Variants in SOX5 observed in about 807,000 individuals in gnomAD.
The protein encoded by SOX5 is transcription factor SOX-5.
Under a neutral mutation model 92.0 loss-of-function variants are expected in SOX5, and 9 were observed. That is an observed-to-expected ratio of 0.10 (90% CI 0.06 to 0.17). The LOEUF (loss-of-function observed/expected upper bound fraction) is 0.17, where lower values mean the gene tolerates loss of function less well. SOX5 is among the 10% of genes least tolerant of loss of function. The probability of loss-of-function intolerance (pLI) is 1.00; values close to 1 mark genes in which losing one functional copy is unlikely to be tolerated. For synonymous variants in SOX5, 344 were observed against 336.3 expected (o/e 1.02, Z -0.25); for missense variants, 642 against 944.5 (o/e 0.68, Z 4.20).
At chr12:24,138,602 A>T (rs12817898) in intron 4 of SOX5, among the ~76,000 whole-genome samples, 210 of 151,396 alleles carry the variant, frequency 1.4e-3, no homozygotes, top group Admixed American at 2.4e-3. Flanking sequence ...TTGGTGGGGG[A>T]TGGGTATGGG....
intron 7 of SOX5, among the ~76,000 whole-genome samples, chr12:23,664,434 A>C (rs1296409185): frequency 6.6e-6 from 1 of 152,102 alleles, no homozygotes; most frequent in Non-Finnish European, 1.5e-5. Flanking sequence ...TTTATCAATG[A>C]AAATATTTCA....
chr12:24,532,165 G>A (rs898062616), intron 1 of SOX5, among the ~76,000 whole-genome samples: 1 of 152,076 alleles, frequency 6.6e-6, no homozygotes, highest in South Asian at 2.1e-4. Flanking sequence ...TTCTATCTAT[G>A]TAATACTCAA....
intron 1 of SOX5, among the ~76,000 whole-genome samples, chr12:24,540,551 T>C (rs1294280654): frequency 6.6e-6 from 1 of 152,164 alleles, no homozygotes; most frequent in Non-Finnish European, 1.5e-5. Context: ...ATTTTCATCA[T>C]TTCAGAGAGA....
At chr12:23,824,866 C>A (rs2096198905) in intron 3 of SOX5, among the ~76,000 whole-genome samples, 1 of 152,204 alleles carries the variant, frequency 6.6e-6, no homozygotes, top group African/African-American at 2.4e-5. Context: ...TCTGAATTTT[C>A]CGGCAGCTTT....
At chr12:23,593,181 A>G (rs1262743524) in intron 9 of SOX5, among the ~76,000 whole-genome samples, 1 of 152,206 alleles carries the variant, frequency 6.6e-6, no homozygotes, top group East Asian at 1.9e-4. Flanking sequence ...CCAACTTTAC[A>G]ATACATAAGA....
rs12579994 is a variant in SOX5, at chr12:23,945,205, C to T, written c.38+4359G>A. Among the ~76,000 whole-genome samples, 774 of 152,178 alleles carry T rather than the reference C, an allele frequency of 5.1e-3. 11 individuals are homozygous for T. Among genetic ancestry groups the T allele is most frequent in the African/African-American group, 0.018 (735 of 41,548 alleles). On this transcript the variant is annotated intron_variant, in intron 1 of 14. Coordinates refer to ENST00000451604, the MANE Select transcript of SOX5 (RefSeq NM_006940.6). Reference sequence around the variant, plus strand: ...AAATAGTTTCCAACTCTGTGGAGGACTAATGTGCTAAAGAATCAGAACAGG... The same window carrying T: ...AAATAGTTTCCAACTCTGTGGAGGATTAATGTGCTAAAGAATCAGAACAGG...
intron 9 of SOX5, among the ~76,000 whole-genome samples, chr12:23,581,760 C>T (rs992993110): frequency 1.1e-4 from 16 of 151,916 alleles, no homozygotes; most frequent in African/African-American, 3.6e-4. Flanking sequence ...TTATTTAAAA[C>T]CTAGGTATAG....
intron 1 of SOX5, among the ~76,000 whole-genome samples, chr12:24,551,123 A>C (rs1953111029): frequency 6.6e-6 from 1 of 152,064 alleles, no homozygotes; most frequent in African/African-American, 2.4e-5. Context: ...ATCGCATGTC[A>C]CTCTGGGAAT....
chr12:24,213,942 A>G (rs1958941690), intron 3 of SOX5, among the ~76,000 whole-genome samples: 1 of 151,602 alleles, frequency 6.6e-6, no homozygotes, highest in African/African-American at 2.4e-5. Context: ...AGTCCATGAT[A>G]GTTTAAAATA....
intron 4 of SOX5, among the ~76,000 whole-genome samples, chr12:24,190,790 A>G (rs1295406628): frequency 6.6e-6 from 1 of 152,216 alleles, no homozygotes; most frequent in East Asian, 1.9e-4. Flanking sequence ...ATGCATCCCA[A>G]TCTTATGGGA....
intron 4 of SOX5, among the ~76,000 whole-genome samples, chr12:24,050,628 G>C (rs1406564773): frequency 6.6e-6 from 1 of 152,148 alleles, no homozygotes; most frequent in Non-Finnish European, 1.5e-5. Flanking sequence ...TATCCCAAAA[G>C]AGGTAATGTC....
At chr12:24,205,286 T>C (rs1427859490) in intron 4 of SOX5, among the ~76,000 whole-genome samples, 2 of 152,158 alleles carry the variant, frequency 1.3e-5, no homozygotes, top group Non-Finnish European at 1.5e-5. Context: ...ATGTTCAACA[T>C]TGTGCTTTCC....
intron 4 of SOX5, among the ~76,000 whole-genome samples, chr12:23,982,635 T>G (rs576756199): frequency 1.3e-5 from 2 of 152,192 alleles, no homozygotes; most frequent in Admixed American, 1.3e-4. Context: ...AACTAACTCT[T>G]AAAGTAGAAT....
At chr12:24,295,311 A>G (rs1279840098) in intron 2 of SOX5, among the ~76,000 whole-genome samples, 1 of 152,148 alleles carries the variant, frequency 6.6e-6, no homozygotes, top group African/African-American at 2.4e-5. Context: ...CTTCTCCTTC[A>G]ATACCCTCTT....
Position 23,855,534 on chromosome 12 carries a change from T to C in SOX5, c.271-9341A>G, listed in dbSNP as rs559583436. ...ATAAATACATGACACCAATTACTTT[T>C]TATGTCATGTTTCTATCTTTCTCTT... On this transcript the variant is annotated intron_variant, in intron 2 of 14. Coordinates refer to ENST00000451604, the MANE Select transcript of SOX5 (RefSeq NM_006940.6). Among the ~76,000 whole-genome samples the C allele has an allele frequency of 1.1e-4, 17 of 152,262 alleles. No individual in the cohort carries two copies. In the South Asian group the frequency reaches 3.5e-3, roughly 32 times the overall value.
intron 1 of SOX5, among the ~76,000 whole-genome samples, chr12:24,409,099 G>A (rs1963578364): frequency 6.6e-6 from 1 of 152,170 alleles, no homozygotes; most frequent in African/African-American, 2.4e-5. Flanking sequence ...TGATAGACTG[G>A]ATAAAGAAAA....
chr12:24,290,568 A>C (rs951113398), intron 2 of SOX5, among the ~76,000 whole-genome samples: 2 of 152,162 alleles, frequency 1.3e-5, no homozygotes, highest in African/African-American at 4.8e-5. Context: ...TGGAGCCAGA[A>C]TTTAGGTTCA....
chr12:23,826,866 GA>G (rs2096243343), intron 3 of SOX5, among the ~76,000 whole-genome samples: 1 of 152,100 alleles, frequency 6.6e-6, no homozygotes, highest in Admixed American at 6.5e-5. Flanking sequence ...TATCCGAAAA[GA>G]AAGGTCTAAG....
chr12:23,580,391 T>C (rs996630890), intron 9 of SOX5, among the ~76,000 whole-genome samples: 11 of 152,034 alleles, frequency 7.2e-5, no homozygotes, highest in Non-Finnish European at 1.2e-4. Context: ...AATGATGTAA[T>C]ACAAACATTT....
Sources: gnomAD v4.1 joint callset for allele counts (sites outside exome capture counted in the v4.1 genomes callset) on GRCh38, gnomAD v4.1.1 for gene constraint, MANE v1.5 for transcripts, NCBI Gene and HGNC (gene_info 2026-07-23, HGNC 2026-07-21) for gene names.